The following ERC2 variants were observed in gnomAD, a reference collection of about 807,000 sequenced individuals.
ERC2 encodes the protein ERC protein 2.
ERC2 carries 42 observed loss-of-function variants against 114.8 expected under a neutral mutation model. That is an observed-to-expected ratio of 0.37 (90% CI 0.29 to 0.47). The LOEUF is 0.47. Among genes scored for constraint, ERC2 ranks in the 20% least tolerant of loss-of-function variants. The pLI is 0.99. For missense variants in ERC2, 939 were observed against 1,150.7 expected (o/e 0.82, Z 2.66); for synonymous variants, 454 against 425.5 (o/e 1.07, Z -0.82).
intron 10 of ERC2, among the ~76,000 whole-genome samples, chr3:55,998,111 C>A (rs979856631): frequency 6.6e-6 from 1 of 151,176 alleles, no homozygotes; most frequent in African/African-American, 2.4e-5. Flanking sequence ...ACAATTCAAG[C>A]TAACTGCATT....
intron 2 of ERC2, among the ~76,000 whole-genome samples, chr3:56,408,164 A>G (rs1372161506): frequency 2.0e-5 from 3 of 152,186 alleles, no homozygotes; most frequent in Non-Finnish European, 4.4e-5. Flanking sequence ...TCAACTCAGC[A>G]CTGTAACCCC....
chr3:55,738,386 T>C (rs2065773668), intron 14 of ERC2, among the ~76,000 whole-genome samples: 1 of 152,192 alleles, frequency 6.6e-6, no homozygotes, highest in African/African-American at 2.4e-5. Context: ...TAAGCATTAT[T>C]CTTAGAAAAT....
At chr3:55,623,204 C>T (rs1298300451) in intron 17 of ERC2, among the ~76,000 whole-genome samples, 1 of 152,240 alleles carries the variant, frequency 6.6e-6, no homozygotes, top group Non-Finnish European at 1.5e-5. Context: ...CCTGAGCTTT[C>T]ATTCCCTCAG....
chr3:55,786,483 C>G (rs1025903799), intron 14 of ERC2, among the ~76,000 whole-genome samples: 1 of 152,148 alleles, frequency 6.6e-6, no homozygotes, highest in Non-Finnish European at 1.5e-5. Context: ...TCCCTTGTTA[C>G]CACTGCTAAT....
chr3:56,398,960 C>T (rs528942704), intron 2 of ERC2, among the ~76,000 whole-genome samples: 1 of 152,180 alleles, frequency 6.6e-6, no homozygotes, highest in Non-Finnish European at 1.5e-5. Flanking sequence ...AACTTTACAG[C>T]AGAACCAGGT....
chr3:55,727,460 T>C (rs2064992365), intron 15 of ERC2, among the ~76,000 whole-genome samples: 1 of 152,220 alleles, frequency 6.6e-6, no homozygotes, highest in Non-Finnish European at 1.5e-5. Context: ...TCCTTTATCT[T>C]TTTTTAATGC....
At chr3:56,027,540 T>C (rs1328766140) in intron 7 of ERC2, among the ~76,000 whole-genome samples, 8 of 152,196 alleles carry the variant, frequency 5.3e-5, no homozygotes, top group African/African-American at 1.7e-4. Context: ...TATATCAATG[T>C]AGTTTTATTT....
chr3:55,572,843 G>T (rs2056791666), intron 17 of ERC2, among the ~76,000 whole-genome samples: 1 of 152,186 alleles, frequency 6.6e-6, no homozygotes, highest in East Asian at 1.9e-4. Flanking sequence ...GTTGCCCCCA[G>T]ATGATCCCAC....
chr3:56,175,410 A>T (rs2082923131), intron 3 of ERC2, among the ~76,000 whole-genome samples: 1 of 152,214 alleles, frequency 6.6e-6, no homozygotes, highest in Non-Finnish European at 1.5e-5. Context: ...ATGAATACAG[A>T]AACAGAAAGA....
chr3:55,533,707 C>A (rs780221846), intron 17 of ERC2, among the ~76,000 whole-genome samples: 4 of 152,194 alleles, frequency 2.6e-5, no homozygotes, highest in African/African-American at 9.7e-5. Context: ...CAGCAACACA[C>A]GTGTGCTGCT....
At chr3:56,425,746 T>G (rs142558915) in intron 2 of ERC2, among the ~76,000 whole-genome samples, 58 of 152,244 alleles carry the variant, frequency 3.8e-4, no homozygotes, top group African/African-American at 1.4e-3. Flanking sequence ...TTATCAGGAC[T>G]GGCAATTACT....
chr3:56,171,843 C>CTTTTTTTTTTTTTT, intron 4 of ERC2, among the ~76,000 whole-genome samples: 1 of 139,224 alleles, frequency 7.2e-6, no homozygotes, highest in Non-Finnish European at 1.5e-5. Flanking sequence ...GAAACTCGCT[C>CTTTTTTTTTTTTTT]TTTTTTTTTT....
At chr3:56,403,919 G>T (rs2060614597) in intron 2 of ERC2, among the ~76,000 whole-genome samples, 1 of 152,152 alleles carries the variant, frequency 6.6e-6, no homozygotes, top group Admixed American at 6.5e-5. Context: ...CTTTAAGCTG[G>T]ATACCATGCT....
chr3:55,686,057 G>A (rs985255968), intron 16 of ERC2, among the ~76,000 whole-genome samples: 1 of 152,214 alleles, frequency 6.6e-6, no homozygotes, highest in Non-Finnish European at 1.5e-5. Flanking sequence ...ATATTAAAAA[G>A]TGGTAATTAA....
chr3:56,345,322 C>T (rs2058262769), intron 2 of ERC2, among the ~76,000 whole-genome samples: 3 of 152,178 alleles, frequency 2.0e-5, no homozygotes, highest in Admixed American at 6.5e-5. Context: ...AGACACAACA[C>T]TAAAAAAGAC....
At chr3:55,718,999 A>AAAATTTGTAGTG (rs2064287886) in intron 15 of ERC2, among the ~76,000 whole-genome samples, 1 of 152,238 alleles carries the variant, frequency 6.6e-6, no homozygotes, top group African/African-American at 2.4e-5. Flanking sequence ...CATTCTGAAG[A>AAAATTTGTAGTG]AACAAAAGAA....
At chr3:56,449,099 G>A (rs2062716761) in intron 1 of ERC2, among the ~76,000 whole-genome samples, 1 of 147,280 alleles carries the variant, frequency 6.8e-6, no homozygotes, top group Non-Finnish European at 1.5e-5. Flanking sequence ...AAAAGTGGTA[G>A]TTGGATTTGG....
At chr3:55,861,083 T>C (rs1465539685) in intron 14 of ERC2, among the ~76,000 whole-genome samples, 1 of 152,240 alleles carries the variant, frequency 6.6e-6, no homozygotes, top group Non-Finnish European at 1.5e-5. Context: ...AACCCATCCA[T>C]AGCAAACAAC....
At chr3:55,914,111 T>G (rs1352648473) in intron 13 of ERC2, among the ~76,000 whole-genome samples, 5 of 151,966 alleles carry the variant, frequency 3.3e-5, no homozygotes, top group Non-Finnish European at 7.4e-5. Context: ...TCTCCAAAAG[T>G]GATCAATTTA....
Sources: allele counts gnomAD v4.1 joint callset (sites outside exome capture counted in the v4.1 genomes callset), GRCh38; gene constraint gnomAD v4.1.1; transcripts MANE v1.5; gene names NCBI Gene and HGNC (gene_info 2026-07-23, HGNC 2026-07-21).